The following DDR2 variants were observed in gnomAD, a reference collection of about 807,000 sequenced individuals.
DDR2 encodes discoidin domain receptor tyrosine kinase 2.
In DDR2, 27 loss-of-function variants were observed where a neutral mutation model predicts 94.9. That is an observed-to-expected ratio of 0.28 (90% CI 0.21 to 0.39). The LOEUF (loss-of-function observed/expected upper bound fraction) is 0.39. Ranked by LOEUF, DDR2 falls within the 10% of genes least tolerant of loss-of-function variation. The pLI, the probability that DDR2 is intolerant of heterozygous loss-of-function variation, is 1.00. For missense variants in DDR2, 783 were observed against 1,076.0 expected (o/e 0.73, Z 3.81); for synonymous variants, 382 against 377.2 (o/e 1.01, Z -0.15).
chr1:162,757,033 G>T (rs993963908), intron 7 of DDR2, among the ~76,000 whole-genome samples: 17 of 152,170 alleles, frequency 1.1e-4, no homozygotes, highest in African/African-American at 4.1e-4. Flanking sequence ...GGCTAAAACA[G>T]AATATAAGTT....
intron 9 of DDR2, among the ~76,000 whole-genome samples, chr1:162,765,353 A>C (rs913804741): frequency 6.6e-6 from 1 of 152,188 alleles, no homozygotes; most frequent in East Asian, 1.9e-4. Flanking sequence ...ACCTGGAAGA[A>C]ATGTCTCTTA....
At position 162,754,724 on chromosome 1, in the gene DDR2, T is replaced by G. The variant is rs763142947; in HGVS notation, c.286T>G (p.Phe96Val). The G allele has an allele frequency of 8.1e-6, 13 of 1,613,896 alleles. No individual in the cohort carries two copies. The East Asian group carries it at 2.9e-4, about 36-fold the overall frequency. ...FLQIDLHTLH[F>V]ITLVGTQGRH... ...GCAGATTGACTTGCACACCCTCCATTTTATCACTCTGGTGGGGACCCAGGG... is the reference window on the plus strand; with the variant it reads ...GCAGATTGACTTGCACACCCTCCATGTTATCACTCTGGTGGGGACCCAGGG... The change falls in exon 5 of 18, where the codon TTT becomes GTT. Residue 96 changes from phenylalanine (F) to valine (V), a missense_variant. Physicochemically the swap from Phe to Val is conservative, Grantham distance 50. This residue lies in a region of DDR2 where 519 missense variants were observed against 647.9 expected (regional missense o/e 0.80). Transcript: ENST00000367921.
chr1:162,748,054 T>C (rs1213308818), intron 3 of DDR2, among the ~76,000 whole-genome samples: 2 of 152,172 alleles, frequency 1.3e-5, no homozygotes, highest in African/African-American at 4.8e-5. Flanking sequence ...ACATGCCAAA[T>C]TGTAAACACC....
chr1:162,778,877 A>C (rs1647738622), intron 17 of DDR2, 148 bp downstream of exon 17: 1 of 1,106,214 alleles, frequency 9.0e-7, no homozygotes, highest in African/African-American at 1.5e-5. Context: ...ATGATGTGAA[A>C]GACCAGTATC....
intron 1 of DDR2, among the ~76,000 whole-genome samples, 179 bp from the exon 2 acceptor site, chr1:162,655,032 G>T (rs1227470773): frequency 6.6e-6 from 1 of 152,070 alleles, no homozygotes; most frequent in Non-Finnish European, 1.5e-5. Flanking sequence ...AACTGGGCAA[G>T]TATCAGTTTA....
At chr1:162,767,419 G>A (rs2102173717) in intron 11 of DDR2, 60 bp downstream of exon 11, 1 of 1,601,284 alleles carries the variant, frequency 6.2e-7, no homozygotes, top group Non-Finnish European at 8.5e-7. Flanking sequence ...TTAAGCCACT[G>A]TTGTCCCAGG....
chr1:162,758,040 C>A (rs1663543831), intron 7 of DDR2, among the ~76,000 whole-genome samples: 1 of 151,972 alleles, frequency 6.6e-6, no homozygotes, highest in Non-Finnish European at 1.5e-5. Flanking sequence ...AAAGGGAAAC[C>A]AAGGAGAAAG....
chr1:162,708,048 C>A (rs1660735621), intron 2 of DDR2, among the ~76,000 whole-genome samples: 1 of 152,194 alleles, frequency 6.6e-6, no homozygotes, highest in East Asian at 1.9e-4. Context: ...GAAATCCTTT[C>A]TGTCTCTGAT....
chr1:162,740,408 T>A (rs951807750), intron 3 of DDR2, among the ~76,000 whole-genome samples: 19 of 152,194 alleles, frequency 1.2e-4, no homozygotes, highest in Non-Finnish European at 4.4e-5. Context: ...GCCTCCTTGC[T>A]GTACCTCAAA....
At chr1:162,650,295 A>AT (rs1657622832) in intron 1 of DDR2, among the ~76,000 whole-genome samples, 7 of 145,736 alleles carry the variant, frequency 4.8e-5, no homozygotes, top group East Asian at 2.1e-4. Flanking sequence ...ACGTTAAAAA[A>AT]AAAATAATAA....
intron 2 of DDR2, among the ~76,000 whole-genome samples, chr1:162,685,348 T>C (rs1445946377): frequency 6.6e-6 from 1 of 152,184 alleles, no homozygotes; most frequent in African/African-American, 2.4e-5. Flanking sequence ...ATACCATATA[T>C]TTTGTCATGG....
intron 6 of DDR2, 83 bp downstream of exon 6, chr1:162,755,386 A>T: frequency 6.5e-7 from 1 of 1,546,706 alleles, no homozygotes; most frequent in Admixed American, 1.8e-5. Context: ...TCAGAAAGGG[A>T]TGGGATCAGT....
At chr1:162,771,999 G>T in intron 12 of DDR2, 25 bp from the exon 13 acceptor site, 2 of 1,575,978 alleles carry the variant, frequency 1.3e-6, no homozygotes, top group Non-Finnish European at 1.7e-6. Flanking sequence ...CACGGAATGA[G>T]GGCTCGTTGC....
chr1:162,710,697 G>A lies in DDR2; in HGVS notation c.-27-8340G>A, dbSNP rs542938399. ...TAAAATACATAGCCCTAAATCATGG[G>A]GGTGTTCTTCTCCCCACCAAATCTT... On this transcript the variant is annotated intron_variant, in intron 2 of 17. Transcript: ENST00000367921. 1.2e-4 allele frequency among the ~76,000 whole-genome samples: 19 copies of A among 152,074 alleles called. No individual in the cohort carries two copies. The East Asian group carries it at 3.5e-3, about 28-fold the overall frequency.
chr1:162,657,247 C>T (rs1658035884), intron 2 of DDR2, among the ~76,000 whole-genome samples: 1 of 152,170 alleles, frequency 6.6e-6, no homozygotes, highest in African/African-American at 2.4e-5. Context: ...CCTCCACCCC[C>T]ACTGTCATAT....
At chr1:162,714,364 CA>C (rs2102020321) in intron 2 of DDR2, among the ~76,000 whole-genome samples, 1 of 152,198 alleles carries the variant, frequency 6.6e-6, no homozygotes, top group South Asian at 2.1e-4. Context: ...TAGCTCATAG[CA>C]AATTTTTCTA....
intron 2 of DDR2, among the ~76,000 whole-genome samples, chr1:162,689,524 T>C (rs1251926507): frequency 6.6e-6 from 1 of 151,854 alleles, no homozygotes; most frequent in Non-Finnish European, 1.5e-5. Flanking sequence ...GGGGATAAAG[T>C]ACAGAGTAAA....
intron 3 of DDR2, among the ~76,000 whole-genome samples, chr1:162,723,290 G>C (rs768153707): frequency 6.6e-6 from 1 of 152,182 alleles, no homozygotes; most frequent in Non-Finnish European, 1.5e-5. Context: ...GGCTATGTAG[G>C]AGATCCATTC....
chr1:162,770,372 A>G lies in DDR2; in HGVS notation c.1364A>G (p.Asn455Ser), dbSNP rs762421529. 1 of 1,613,986 alleles carries G rather than the reference A, an allele frequency of 6.2e-7. No homozygotes were observed. The highest frequency in any genetic ancestry group is 8.5e-7 in the Non-Finnish European group (1 of 1,180,020). The change falls in exon 12 of 18, where the codon AAC becomes AGC. Residue 455 changes from asparagine to serine, a missense_variant. This residue lies in a region of DDR2 where 519 missense variants were observed against 647.9 expected (regional missense o/e 0.80). Transcript: ENST00000367921. ...LSLPSDSSMF[N>S]NNRSSSPSEQ... ...CTGCCAAGTGATTCTAGCATGTTCA[A>G]CAATAACCGCTCCTCATCACCTAGT...
Sources: allele counts gnomAD v4.1 joint callset (sites outside exome capture counted in the v4.1 genomes callset), GRCh38; gene constraint gnomAD v4.1.1; regional missense constraint gnomAD v4.1.1; transcripts MANE v1.5; gene names NCBI Gene and HGNC (gene_info 2026-07-23, HGNC 2026-07-21).